Variants in ITGA9 observed in about 807,000 individuals in gnomAD.
ITGA9 encodes integrin alpha-9.
Under a neutral mutation model 127.8 loss-of-function variants are expected in ITGA9, and 56 were observed. That is an observed-to-expected ratio of 0.44 (90% CI 0.35 to 0.55). The LOEUF (loss-of-function observed/expected upper bound fraction) is 0.55. ITGA9 is among the 20% of genes least tolerant of loss of function. The probability of loss-of-function intolerance (pLI) is 0.00; values close to 1 mark genes in which losing one functional copy is unlikely to be tolerated. For missense variants in ITGA9, 1,196 were observed against 1,347.1 expected, an observed-to-expected ratio of 0.89 and a Z score of 1.76; for synonymous variants, 508 against 514.5, an observed-to-expected ratio of 0.99 and a Z score of 0.17.
intron 5 of ITGA9, among the ~76,000 whole-genome samples, 193 bp downstream of exon 5, chr3:37,494,761 C>T (rs1269562845): frequency 2.6e-5 from 4 of 152,148 alleles, no homozygotes; most frequent in African/African-American, 9.7e-5. Context: ...CCAGAGACCA[C>T]TGGGCAGAGG....
At chr3:37,536,356 A>T (rs927971737) in intron 14 of ITGA9, among the ~76,000 whole-genome samples, 1 of 152,242 alleles carries the variant, frequency 6.6e-6, no homozygotes, top group Admixed American at 6.5e-5. Context: ...CAATGTCTGC[A>T]TATCTTGGGC....
chr3:37,753,199 T>G (rs1696610448), intron 23 of ITGA9, among the ~76,000 whole-genome samples: 1 of 152,150 alleles, frequency 6.6e-6, no homozygotes, highest in South Asian at 2.1e-4. Context: ...ATAGCAAAAT[T>G]ACTAGTAACA....
At chr3:37,612,401 C>A (rs1463835767) in intron 15 of ITGA9, among the ~76,000 whole-genome samples, 2 of 152,134 alleles carry the variant, frequency 1.3e-5, no homozygotes, top group African/African-American at 4.8e-5. Flanking sequence ...ATAAGAAGAT[C>A]TACAGACATT....
chr3:37,673,307 C>T (rs1700654243), intron 17 of ITGA9, among the ~76,000 whole-genome samples: 1 of 152,164 alleles, frequency 6.6e-6, no homozygotes, highest in Admixed American at 6.5e-5. Context: ...AATCTGAAAA[C>T]ATGACACATC....
intron 5 of ITGA9, among the ~76,000 whole-genome samples, chr3:37,494,970 T>A (rs1313218175): frequency 6.6e-6 from 1 of 152,172 alleles, no homozygotes; most frequent in Non-Finnish European, 1.5e-5. Context: ...CTCTCCTTAG[T>A]GGAGAGACTT....
intron 4 of ITGA9, among the ~76,000 whole-genome samples, chr3:37,493,751 C>G (rs761258875): frequency 6.6e-6 from 1 of 152,132 alleles, no homozygotes; most frequent in Admixed American, 6.5e-5. Flanking sequence ...GATGAGGGAC[C>G]GGTGAAATGA....
intron 1 of ITGA9, among the ~76,000 whole-genome samples, chr3:37,453,122 C>CA (rs1458039314): frequency 6.7e-6 from 1 of 148,924 alleles, no homozygotes; most frequent in East Asian, 2.2e-4. Context: ...GGCGCCCCCC[C>CA]CCCCCCCCAG....
intron 18 of ITGA9, among the ~76,000 whole-genome samples, chr3:37,720,599 A>G (rs1701180864): frequency 6.6e-6 from 1 of 152,240 alleles, no homozygotes; most frequent in African/African-American, 2.4e-5. Context: ...TATTTAACAG[A>G]AGGAAAAACT....
At chr3:37,593,517 G>T (rs1699840334) in intron 15 of ITGA9, among the ~76,000 whole-genome samples, 1 of 152,180 alleles carries the variant, frequency 6.6e-6, no homozygotes, top group African/African-American at 2.4e-5. Flanking sequence ...TCTCTTCCTG[G>T]CTTAGAGACG....
chr3:37,509,358 G>C (rs570250070), intron 8 of ITGA9, among the ~76,000 whole-genome samples: 1 of 152,250 alleles, frequency 6.6e-6, no homozygotes, highest in South Asian at 2.1e-4. Context: ...GTGTGGCTTA[G>C]ATCAGCAGGA....
chr3:37,535,514 G>T (rs1579094385), intron 14 of ITGA9, among the ~76,000 whole-genome samples: 1 of 152,196 alleles, frequency 6.6e-6, no homozygotes, highest in Non-Finnish European at 1.5e-5. Context: ...GAAGGTCTAG[G>T]CTTAGCCATA....
intron 18 of ITGA9, among the ~76,000 whole-genome samples, chr3:37,693,636 T>C (rs149374092): frequency 2.8e-4 from 43 of 152,322 alleles, no homozygotes; most frequent in Non-Finnish European, 7.3e-5. Flanking sequence ...TATGTGTTTG[T>C]ATACCTTTAT....
At chr3:37,585,726 GGGT>G (rs1395619855) in intron 15 of ITGA9, 12 of 489,232 alleles carry the variant, frequency 2.5e-5, no homozygotes, top group Non-Finnish European at 4.1e-5. Flanking sequence ...ATTTGCGAAG[GGGT>G]GGTGAACACT....
intron 16 of ITGA9, among the ~76,000 whole-genome samples, chr3:37,640,693 A>G (rs1279909906): frequency 6.6e-6 from 1 of 152,248 alleles, no homozygotes; most frequent in African/African-American, 2.4e-5. Context: ...CACACAATAC[A>G]GCCCACACCT....
At chr3:37,618,362 G>A (rs1700095151) in intron 15 of ITGA9, among the ~76,000 whole-genome samples, 1 of 152,254 alleles carries the variant, frequency 6.6e-6, no homozygotes. Context: ...TGAGGTGTCA[G>A]TCTGCCCCTA....
chr3:37,778,329 T>A (rs996694312), intron 24 of ITGA9, among the ~76,000 whole-genome samples: 1 of 152,114 alleles, frequency 6.6e-6, no homozygotes, highest in African/African-American at 2.4e-5. Flanking sequence ...TAAAAATTTT[T>A]AAAGACAGGC....
At chr3:37,587,769 C>T (rs1302933070) in intron 15 of ITGA9, among the ~76,000 whole-genome samples, 3 of 152,212 alleles carry the variant, frequency 2.0e-5, no homozygotes, top group South Asian at 2.1e-4. Context: ...TTATGTTCTC[C>T]GTTTTATGAG....
intron 15 of ITGA9, among the ~76,000 whole-genome samples, chr3:37,622,410 G>C (rs1233371846): frequency 6.6e-6 from 1 of 151,954 alleles, no homozygotes; most frequent in Non-Finnish European, 1.5e-5. Flanking sequence ...TTAATTTATA[G>C]GATTGTAAAT....
chr3:37,642,566 G>A (rs1700343714), intron 16 of ITGA9, among the ~76,000 whole-genome samples: 1 of 152,208 alleles, frequency 6.6e-6, no homozygotes, highest in African/African-American at 2.4e-5. Context: ...ATCCCTCTGG[G>A]AATTCCCCAC....
Sources: gnomAD v4.1 joint callset for allele counts (sites outside exome capture counted in the v4.1 genomes callset) on GRCh38, gnomAD v4.1.1 for gene constraint, MANE v1.5 for transcripts, NCBI Gene and HGNC (gene_info 2026-07-23, HGNC 2026-07-21) for gene names.